Variants in CYRIB observed in about 807,000 individuals in gnomAD.
CYRIB encodes the protein CYFIP related Rac1 interactor B, also known as CYFIP-related Rac1 interactor B.
In CYRIB, 8 loss-of-function variants were observed where a neutral mutation model predicts 44.2. The observed-to-expected ratio is 0.18, with a 90% confidence interval of 0.11 to 0.33. CYRIB has a LOEUF of 0.33. Among genes scored for constraint, CYRIB ranks in the 10% least tolerant of loss-of-function variants. CYRIB has a pLI of 1.00. For synonymous variants in CYRIB, 131 were observed against 127.2 expected (o/e 1.03, Z -0.20); for missense variants, 185 against 382.8 (o/e 0.48, Z 4.31).
chr8:129,929,569 T>C (rs1174670670), intron 1 of CYRIB, among the ~76,000 whole-genome samples: 1 of 152,208 alleles, frequency 6.6e-6, no homozygotes, highest in Admixed American at 6.5e-5. Flanking sequence ...ACTTAGTATA[T>C]AATTATGTTT....
intron 5 of CYRIB, among the ~76,000 whole-genome samples, chr8:129,858,486 G>A (rs1244246770): frequency 6.6e-6 from 1 of 152,166 alleles, no homozygotes; most frequent in Non-Finnish European, 1.5e-5. Context: ...ATAACTAGTT[G>A]ATTAGGAAGA....
intron 1 of CYRIB, among the ~76,000 whole-genome samples, chr8:129,980,841 G>A (rs991944252): frequency 4.0e-5 from 6 of 151,768 alleles, no homozygotes; most frequent in African/African-American, 1.5e-4. Flanking sequence ...AAAATTAGCT[G>A]GTCGTGGTGG....
intron 1 of CYRIB, among the ~76,000 whole-genome samples, chr8:129,998,514 G>A (rs1295450498): frequency 1.3e-5 from 2 of 152,226 alleles, no homozygotes; most frequent in African/African-American, 4.8e-5. Flanking sequence ...ACAGGAACCA[G>A]TGGGGCCCAG....
chr8:129,987,256 T>G (rs1034507921), intron 1 of CYRIB, among the ~76,000 whole-genome samples: 2 of 152,236 alleles, frequency 1.3e-5, no homozygotes, highest in East Asian at 1.9e-4. Flanking sequence ...AGGTAGTGAC[T>G]TGACACAATA....
chr8:130,013,104 G>A (rs577269276), intron 1 of CYRIB, among the ~76,000 whole-genome samples: 6 of 152,246 alleles, frequency 3.9e-5, no homozygotes, highest in East Asian at 1.9e-4. Context: ...ACGCCTATAC[G>A]CTTGCTGAGC....
intron 1 of CYRIB, among the ~76,000 whole-genome samples, chr8:129,992,110 A>G (rs2096654279): frequency 1.3e-5 from 2 of 151,654 alleles, no homozygotes; most frequent in Non-Finnish European, 2.9e-5. Flanking sequence ...TGCTTAAGCC[A>G]AGGAGTTTGA....
chr8:129,891,513 CA>C (rs1428135706), intron 2 of CYRIB, among the ~76,000 whole-genome samples: 1 of 152,200 alleles, frequency 6.6e-6, no homozygotes, highest in Non-Finnish European at 1.5e-5. Flanking sequence ...CAACAGGATT[CA>C]GGTATTCCTG....
intron 1 of CYRIB, among the ~76,000 whole-genome samples, chr8:130,002,811 G>T (rs539793790): frequency 1.3e-5 from 2 of 152,308 alleles, no homozygotes; most frequent in Non-Finnish European, 2.9e-5. Context: ...GTAAAAAGCT[G>T]AGCTAGCCAG....
At chr8:129,866,505 AT>A (rs145575205) in intron 4 of CYRIB, among the ~76,000 whole-genome samples, 6,577 of 151,762 alleles carry the variant, frequency 0.043, 239 homozygotes, top group African/African-American at 0.098. Context: ...AAAAAAAAAA[AT>A]AATAATAACT....
intron 1 of CYRIB, chr8:129,912,636 T>C (rs1230392773): frequency 6.6e-6 from 1 of 152,086 alleles, no homozygotes; most frequent in East Asian, 1.9e-4. Flanking sequence ...AACAAAGACT[T>C]GGGTTTTTTA....
chr8:130,013,565 A>G, intron 1 of CYRIB, among the ~76,000 whole-genome samples: 1 of 152,300 alleles, frequency 6.6e-6, no homozygotes, highest in Middle Eastern at 3.4e-3. Context: ...TCAGTGGTGG[A>G]CGATTTTGCT....
intron 2 of CYRIB, among the ~76,000 whole-genome samples, chr8:129,892,914 T>C (rs966824606): frequency 6.6e-6 from 1 of 152,232 alleles, no homozygotes; most frequent in African/African-American, 2.4e-5. Context: ...ATCATAGGAT[T>C]GGGCAACTTT....
chr8:129,903,823 C>T (rs1049378791), intron 1 of CYRIB, among the ~76,000 whole-genome samples: 10 of 152,146 alleles, frequency 6.6e-5, no homozygotes, highest in African/African-American at 1.2e-4. Context: ...ATCCTTATTC[C>T]GTGACCATAA....
chr8:129,844,076 A>T (rs940857367), intron 11 of CYRIB: 3 of 152,234 alleles, frequency 2.0e-5, no homozygotes, highest in Admixed American at 6.5e-5. Context: ...ACGAAATCCT[A>T]CAGATGTCTC....
At chr8:129,866,263 T>C (rs2053492903) in intron 4 of CYRIB, among the ~76,000 whole-genome samples, 1 of 152,212 alleles carries the variant, frequency 6.6e-6, no homozygotes, top group Non-Finnish European at 1.5e-5. Context: ...CGTTTTTCCA[T>C]AGACGAGGCT....
intron 5 of CYRIB, among the ~76,000 whole-genome samples, chr8:129,857,730 A>G (rs1564171988): frequency 6.6e-6 from 1 of 152,230 alleles, no homozygotes; most frequent in African/African-American, 2.4e-5. Flanking sequence ...TTTGGGTTAT[A>G]TTTTAAAAAT....
rs192240153 is a variant in CYRIB, at chr8:129,963,098, A to G, written c.-243+7845T>C. Among the ~76,000 whole-genome samples, 3 of 152,348 alleles carry G rather than the reference A, an allele frequency of 2.0e-5. No homozygotes were observed. In the East Asian group the frequency reaches 5.8e-4, roughly 29 times the overall value. On this transcript the variant is annotated intron_variant, in intron 2 of 14. Coordinates refer to the CYRIB transcript ENST00000401979. Reference sequence around the variant, plus strand: ...TTCTAAGACTTGTTGAACTACTGGAACAGTGGCCTTTTTTTACCTCCTGCT... The same window carrying G: ...TTCTAAGACTTGTTGAACTACTGGAGCAGTGGCCTTTTTTTACCTCCTGCT...
chr8:129,933,047 C>T (rs921427700), intron 1 of CYRIB, among the ~76,000 whole-genome samples: 12 of 152,206 alleles, frequency 7.9e-5, no homozygotes, highest in Non-Finnish European at 1.8e-4. Flanking sequence ...CATGGTCCCA[C>T]ATGAAAGGCT....
chr8:129,925,144 T>C (rs1194736229), intron 1 of CYRIB, among the ~76,000 whole-genome samples: 1 of 152,082 alleles, frequency 6.6e-6, no homozygotes, highest in Non-Finnish European at 1.5e-5. Context: ...ATAGCTGTAA[T>C]CCCAGCACTT....
Sources: allele counts gnomAD v4.1 joint callset (sites outside exome capture counted in the v4.1 genomes callset), GRCh38; gene constraint gnomAD v4.1.1; transcripts MANE v1.5; gene names NCBI Gene and HGNC (gene_info 2026-07-23, HGNC 2026-07-21).